SHISA9: variants seen among roughly 807,000 people sequenced by gnomAD.
SHISA9 encodes the protein shisa family member 9.
A neutral mutation model predicts 38.0 loss-of-function variants in SHISA9; 13 were observed. The observed-to-expected ratio is 0.34, with a 90% confidence interval of 0.22 to 0.54. The LOEUF is 0.54. Among genes scored for constraint, SHISA9 ranks in the 20% least tolerant of loss-of-function variants. The pLI is 0.91. For missense variants in SHISA9, 538 were observed against 575.8 expected (o/e 0.93, Z 0.67); for synonymous variants, 275 against 242.0 (o/e 1.14, Z -1.27).
intron 2 of SHISA9, among the ~76,000 whole-genome samples, chr16:13,063,386 C>A (rs2073398826): frequency 1.3e-5 from 2 of 151,268 alleles, no homozygotes; most frequent in Admixed American, 6.6e-5. Context: ...AAAAAAAAAA[C>A]AAAATCCATG....
chr16:13,320,234 G>A, the SHISA9 span, among the ~76,000 whole-genome samples: 1 of 136,080 alleles, frequency 7.3e-6, no homozygotes, highest in Admixed American at 8.2e-5. Context: ...GAGGCTGCAC[G>A]GAGCCAAGAT....
In SHISA9 at chr16:12,946,528, G is replaced by A. The variant is rs369733016; in HGVS notation, c.691+29713G>A. 7.9e-5 allele frequency among the ~76,000 whole-genome samples: 12 copies of A among 152,342 alleles called. No homozygotes were observed. In the East Asian group the frequency reaches 1.9e-3, roughly 24 times the overall value. Reference sequence around the variant, plus strand: ...GCAGGGGAACAGAGCCAAGCAAGGAGATAGTCTTGGTTGGAGACAAGCTGC... The same window carrying A: ...GCAGGGGAACAGAGCCAAGCAAGGAAATAGTCTTGGTTGGAGACAAGCTGC... On this transcript the variant is annotated intron_variant, in intron 2 of 4. Coordinates refer to ENST00000558583, the MANE Select transcript of SHISA9 (RefSeq NM_001145204.3).
At chr16:13,495,976 A>T in the SHISA9 span, among the ~76,000 whole-genome samples, 1 of 152,228 alleles carries the variant, frequency 6.6e-6, no homozygotes, top group African/African-American at 2.4e-5. Flanking sequence ...GGTGTTTCTA[A>T]AAAAGCTATC....
At chr16:13,402,852 C>A in the SHISA9 span, among the ~76,000 whole-genome samples, 2,077 of 152,302 alleles carry the variant, frequency 0.014, 45 homozygotes, top group African/African-American at 0.048. Flanking sequence ...GGTGCAGTGG[C>A]TCACGCCAGT....
chr16:13,195,619 T>G (rs949305758), intron 2 of SHISA9, among the ~76,000 whole-genome samples: 3 of 152,072 alleles, frequency 2.0e-5, no homozygotes, highest in African/African-American at 7.2e-5. Flanking sequence ...ATAGAATAAT[T>G]TTATAGAGGA....
At chr16:13,403,956 CAA>C in the SHISA9 span, among the ~76,000 whole-genome samples, 1 of 152,092 alleles carries the variant, frequency 6.6e-6, no homozygotes, top group South Asian at 2.1e-4. Flanking sequence ...GTGACCCTAT[CAA>C]GTCAGAGTTT....
At chr16:13,329,927 A>G in the SHISA9 span, among the ~76,000 whole-genome samples, 4 of 152,198 alleles carry the variant, frequency 2.6e-5, no homozygotes, top group African/African-American at 9.7e-5. Flanking sequence ...TATCCAATAA[A>G]TCGTCCCCCA....
At chr16:13,527,196 GTAAA>G in the SHISA9 span, among the ~76,000 whole-genome samples, 1 of 152,278 alleles carries the variant, frequency 6.6e-6, no homozygotes, top group Non-Finnish European at 1.5e-5. Flanking sequence ...CTCATCATGA[GTAAA>G]TATTATTATA....
the SHISA9 span, among the ~76,000 whole-genome samples, chr16:13,541,156 C>T: frequency 6.6e-6 from 1 of 152,132 alleles, no homozygotes; most frequent in Non-Finnish European, 1.5e-5. Context: ...GGAGCCACTT[C>T]GTGCTGTTGG....
At chr16:13,349,910 C>T in the SHISA9 span, among the ~76,000 whole-genome samples, 1 of 152,104 alleles carries the variant, frequency 6.6e-6, no homozygotes, top group African/African-American at 2.4e-5. Context: ...AGTTAGGAGG[C>T]CCATTATTTT....
intron 2 of SHISA9, among the ~76,000 whole-genome samples, chr16:12,978,299 G>T (rs1241539221): frequency 6.6e-6 from 1 of 152,126 alleles, no homozygotes; most frequent in Non-Finnish European, 1.5e-5. Context: ...AGTCTCCCCT[G>T]GGAAAGAATT....
chr16:13,269,772 G>A, the SHISA9 span, among the ~76,000 whole-genome samples: 12 of 152,354 alleles, frequency 7.9e-5, no homozygotes, highest in Admixed American at 1.3e-4. Context: ...CAGTAAGGCT[G>A]TAGAGGTAGG....
Position 12,908,748 on chromosome 16 carries a change from A to G in SHISA9, c.563+6121A>G, listed in dbSNP as rs907318415. On this transcript the variant is annotated intron_variant, in intron 1 of 4. Transcript: ENST00000558583. ...AAGATGAAGTCTAGGAATGCTTTCT[A>G]TATCGGCCCCGGCAGGCCCAGACGT... 6.0e-5 allele frequency: 85 copies of G among 1,420,102 alleles called. No homozygotes were observed. In the African/African-American group the frequency reaches 1.1e-3, roughly 19 times the overall value. The allele number at this position is 1,420,102 out of a possible 1,614,324, so 88.0% of individuals were successfully genotyped here.
At chr16:13,465,041 A>G in the SHISA9 span, among the ~76,000 whole-genome samples, 4 of 152,200 alleles carry the variant, frequency 2.6e-5, no homozygotes, top group African/African-American at 7.2e-5. Flanking sequence ...ACTATTTGCC[A>G]TTAACCTTGT....
chr16:13,403,650 A>G, the SHISA9 span, among the ~76,000 whole-genome samples: 1 of 152,236 alleles, frequency 6.6e-6, no homozygotes, highest in Non-Finnish European at 1.5e-5. Flanking sequence ...CATCACACTT[A>G]TGCCTCCACA....
chr16:13,120,732 C>G lies in SHISA9; in HGVS notation c.692-82662C>G, dbSNP rs532691863. Among the ~76,000 whole-genome samples, 260 of 152,164 alleles carry G rather than the reference C, an allele frequency of 1.7e-3. 4 individuals are homozygous for G. The highest frequency in any genetic ancestry group is 5.8e-3 in the African/African-American group (241 of 41,524). On this transcript the variant is annotated intron_variant, in intron 2 of 4. Coordinates refer to ENST00000558583, the MANE Select transcript of SHISA9 (RefSeq NM_001145204.3). ...AGGCTGTCTTCTTAGAGGAAGAATG[C>G]GTAGAGGGGCAGGGCTGATTAAATA...
chr16:13,227,548 TG>T (rs2051291587), intron 4 of SHISA9, among the ~76,000 whole-genome samples: 1 of 152,206 alleles, frequency 6.6e-6, no homozygotes, highest in African/African-American at 2.4e-5. Flanking sequence ...ATGACAACCT[TG>T]GGCCAGAGAT....
At chr16:13,420,328 C>T in the SHISA9 span, among the ~76,000 whole-genome samples, 1 of 147,202 alleles carries the variant, frequency 6.8e-6, no homozygotes, top group South Asian at 2.2e-4. Context: ...TGGTGCTGTG[C>T]CAGTCAAGTG....
chr16:13,070,793 G>T, intron 2 of SHISA9, among the ~76,000 whole-genome samples: 1 of 152,166 alleles, frequency 6.6e-6, no homozygotes, highest in East Asian at 1.9e-4. Context: ...TAAATAACAT[G>T]GCTGAGGTCA....
Sources: allele counts gnomAD v4.1 joint callset (sites outside exome capture counted in the v4.1 genomes callset), GRCh38; gene constraint gnomAD v4.1.1; transcripts MANE v1.5; gene names NCBI Gene and HGNC (gene_info 2026-07-23, HGNC 2026-07-21).